The following PLEKHG3 variants were observed in gnomAD, a reference collection of about 807,000 sequenced individuals.
PLEKHG3 encodes the protein pleckstrin homology domain-containing family G member 3.
In PLEKHG3, 62 loss-of-function variants were observed where a neutral mutation model predicts 94.9. The ratio of observed to expected loss-of-function variants is 0.65; its 90% CI spans 0.53 to 0.81. PLEKHG3 has a LOEUF of 0.81. Among genes scored for constraint, PLEKHG3 ranks in the 30% least tolerant of loss-of-function variants. PLEKHG3 has a pLI of 0.00. For synonymous variants in PLEKHG3, 614 were observed against 654.0 expected (o/e 0.94, Z 0.93); for missense variants, 1,461 against 1,619.3 (o/e 0.90, Z 1.68).
Position 64,746,509 on chromosome 14 carries a change from C to G in PLEKHG3, c.*2806C>G, listed in dbSNP as rs1027621306. 5.2e-5 allele frequency: 8 copies of G among 152,692 alleles called. No individual in the cohort carries two copies. Among genetic ancestry groups the G allele is most frequent in the African/African-American group, 1.9e-4 (8 of 41,460 alleles). The allele number at this position is 152,692 out of a possible 1,614,324, so 9.5% of individuals were successfully genotyped here. On this transcript the variant is annotated 3_prime_UTR_variant, in exon 17 of 17. Coordinates refer to ENST00000247226, the MANE Select transcript of PLEKHG3 (RefSeq NM_001308147.2). The surrounding 1 kb of genome is among the most constrained non-coding windows in gnomAD (Gnocchi z 4.9). Reference sequence around the variant, plus strand: ...GCCATGTGGTCCCGCTGGCTTCATCCTCCTCTGGATTCCTGCCCCCCTCCC... The same window carrying G: ...GCCATGTGGTCCCGCTGGCTTCATCGTCCTCTGGATTCCTGCCCCCCTCCC...
Position 64,721,015 on chromosome 14 carries a change from A to G in PLEKHG3, c.-39-6578A>G, listed in dbSNP as rs191019871. Reference sequence around the variant, plus strand: ...ATGATCACATCAGGCCCACCGGGCTAATCCAGGATAATCTTCCATCTTAAA... The same window carrying G: ...ATGATCACATCAGGCCCACCGGGCTGATCCAGGATAATCTTCCATCTTAAA... On this transcript the variant is annotated intron_variant, in intron 1 of 16. Coordinates refer to ENST00000247226, the MANE Select transcript of PLEKHG3 (RefSeq NM_001308147.2). The surrounding 1 kb of genome is among the most constrained non-coding windows in gnomAD (Gnocchi z 4.3). Among the ~76,000 whole-genome samples the G allele has an allele frequency of 6.6e-6, 1 of 152,338 alleles. No homozygotes were observed. The highest frequency in any genetic ancestry group is 1.9e-4 in the East Asian group (1 of 5,190).
At position 64,738,993 on chromosome 14, in the gene PLEKHG3, C is replaced by G; in HGVS notation, c.1518+138C>G. Reference sequence around the variant, plus strand: ...GAGATTCCCCACCTCCCAGGACTCTCAGCCCTGCATGAAGCCTGTTTGGCC... The same window carrying G: ...GAGATTCCCCACCTCCCAGGACTCTGAGCCCTGCATGAAGCCTGTTTGGCC... On this transcript the variant is annotated intron_variant, in intron 15 of 16. Transcript: ENST00000247226. The surrounding 1 kb of genome is among the most constrained non-coding windows in gnomAD (Gnocchi z 4.8). 1.5e-6 allele frequency: 1 copy of G among 649,970 alleles called. No individual in the cohort carries two copies. The highest frequency in any genetic ancestry group is 2.8e-6 in the Non-Finnish European group (1 of 356,894). 40.3% of individuals were successfully genotyped at this position (649,970 alleles called of 1,614,324 possible). A position where few individuals can be genotyped will look rare whatever the true frequency, so the allele number is the denominator to read the frequency against.
At position 64,731,284 on chromosome 14, in the gene PLEKHG3, G is replaced by C. The variant is rs922800315; in HGVS notation, c.850-77G>C. The C allele has an allele frequency of 3.1e-5, 45 of 1,474,658 alleles. No homozygotes were observed. The highest frequency in any genetic ancestry group is 1.9e-6 in the Non-Finnish European group (2 of 1,062,772). The allele number at this position is 1,474,658 out of a possible 1,614,324, so 91.3% of individuals were successfully genotyped here. A position where few individuals can be genotyped will look rare whatever the true frequency, so the allele number is the denominator to read the frequency against. On this transcript the variant is annotated intron_variant, in intron 7 of 16. Coordinates refer to ENST00000247226, the MANE Select transcript of PLEKHG3 (RefSeq NM_001308147.2). The surrounding 1 kb of genome is among the most constrained non-coding windows in gnomAD (Gnocchi z 6.1). ...TGAGCTGGGCAGTGGCATTGGGGGA[G>C]CCTTTGTGGCAGGGTTTGCAGAGCC... is the stretch of plus-strand genomic sequence containing the variant.
intron 1 of PLEKHG3, among the ~76,000 whole-genome samples, chr14:64,708,408 G>A (rs1324349641): frequency 1.4e-4 from 21 of 152,142 alleles, no homozygotes; most frequent in East Asian, 1.9e-4. Context: ...GGAGTGGGGC[G>A]GGGACAAGGG....
intron 15 of PLEKHG3, among the ~76,000 whole-genome samples, chr14:64,740,256 G>T (rs1422746867): frequency 1.3e-5 from 2 of 150,246 alleles, no homozygotes; most frequent in Non-Finnish European, 3.0e-5. Flanking sequence ...AACTAGAACA[G>T]AAGGAATTAT....
At position 64,730,744 on chromosome 14, in the gene PLEKHG3, C is replaced by G. The variant is rs374435856; in HGVS notation, c.567-55C>G. The G allele has an allele frequency of 9.9e-6, 16 of 1,612,128 alleles. No individual in the cohort carries two copies. In the East Asian group the frequency reaches 2.9e-4, roughly 29 times the overall value. On this transcript the variant is annotated intron_variant, in intron 5 of 16. Coordinates refer to ENST00000247226, the MANE Select transcript of PLEKHG3 (RefSeq NM_001308147.2). The surrounding 1 kb of genome is among the most constrained non-coding windows in gnomAD (Gnocchi z 5.4). ...GCCATTTGGTGAGTCCAGAGCCCCC[C>G]ACTTCCTCATCCAGGCCTTCCCCAG... is the stretch of plus-strand genomic sequence containing the variant.
chr14:64,732,950 C>G lies in PLEKHG3; in HGVS notation c.1345+49C>G. On this transcript the variant is annotated intron_variant, in intron 12 of 16. Coordinates refer to ENST00000247226, the MANE Select transcript of PLEKHG3 (RefSeq NM_001308147.2). The surrounding 1 kb of genome is among the most constrained non-coding windows in gnomAD (Gnocchi z 4.9). The stretch of plus-strand genomic sequence containing the variant: ...GGAGGCCTCTCCCTCACACCCTTGC[C>G]CAGACTGGGGACCGTCTGCGGCAGT... 1 of 1,203,428 alleles carries G rather than the reference C, an allele frequency of 8.3e-7. No individual in the cohort carries two copies. The highest frequency in any genetic ancestry group is 1.2e-6 in the Non-Finnish European group (1 of 825,572). The allele number at this position is 1,203,428 out of a possible 1,614,324, so 74.5% of individuals were successfully genotyped here.
intron 12 of PLEKHG3, 104 bp from the exon 13 acceptor site, chr14:64,736,748 TG>T: frequency 1.2e-6 from 1 of 848,676 alleles, no homozygotes; most frequent in Non-Finnish European, 2.0e-6. Context: ...CAAGCCAGAG[TG>T]GACTTTGAGC....
intron 1 of PLEKHG3, among the ~76,000 whole-genome samples, chr14:64,713,332 T>C (rs779276992): frequency 6.6e-6 from 1 of 152,236 alleles, no homozygotes; most frequent in Non-Finnish European, 1.5e-5. Flanking sequence ...AAGTATTTCC[T>C]GCTGTTTTTT....
Position 64,749,115 on chromosome 14 carries a change from G to A in PLEKHG3, c.*5412G>A. On this transcript the variant is annotated 3_prime_UTR_variant, in exon 17 of 17. Coordinates refer to ENST00000247226, the MANE Select transcript of PLEKHG3 (RefSeq NM_001308147.2). This position sits in a 1 kb window ranked among gnomAD's most constrained non-coding sequence, Gnocchi z 4.7. ...CTGGAGCGGAGCCAGCGCGGGCGAG[G>A]GCATGGAGGGGGCGTCGGCCCAGGA... 1.7e-6 allele frequency: 1 copy of A among 592,720 alleles called. No individual in the cohort carries two copies. 36.7% of individuals were successfully genotyped at this position (592,720 alleles called of 1,614,324 possible). A position where few individuals can be genotyped will look rare whatever the true frequency, so the allele number is the denominator to read the frequency against.
chr14:64,738,202 T>C lies in PLEKHG3; in HGVS notation c.1405-540T>C, dbSNP rs1254401634. 7.8e-7 allele frequency: 1 copy of C among 1,289,242 alleles called. No homozygotes were observed. Among genetic ancestry groups the C allele is most frequent in the Non-Finnish European group, 1.0e-6 (1 of 989,102 alleles). 79.9% of individuals were successfully genotyped at this position (1,289,242 alleles called of 1,614,324 possible). A position where few individuals can be genotyped will look rare whatever the true frequency, so the allele number is the denominator to read the frequency against. On this transcript the variant is annotated intron_variant, in intron 14 of 16. Coordinates refer to ENST00000247226, the MANE Select transcript of PLEKHG3 (RefSeq NM_001308147.2). This position sits in a 1 kb window ranked among gnomAD's most constrained non-coding sequence, Gnocchi z 4.8. ...TGCTGGCACTATCGGGCCAACGCTT[T>C]ACTTTTCTCCCGGGGCGCTATGGTG...
chr14:64,741,674 G>T lies in PLEKHG3; in HGVS notation c.2157G>T (p.Lys719Asn). Reference protein sequence around the residue: ...LSTRDRLLLDKIKSYYENAEH... With the variant: ...LSTRDRLLLDNIKSYYENAEH... ...CCCGAGACCGGCTGTTGCTAGACAAGATTAAGAGCTATTATGAAAATGCAG... is the reference window on the plus strand; with the variant it reads ...CCCGAGACCGGCTGTTGCTAGACAATATTAAGAGCTATTATGAAAATGCAG... Residue 719 changes from lysine to asparagine, a missense_variant, in exon 16 of 17, where the codon AAG becomes AAT. Lys to Asn is a moderately conservative substitution (Grantham distance 94). Around this residue, in one of 3 missense-constraint regions of PLEKHG3, gnomAD observed 1,201 missense variants for 1,295.5 expected, o/e 0.93. Coordinates refer to ENST00000247226, the MANE Select transcript of PLEKHG3 (RefSeq NM_001308147.2). The T allele has an allele frequency of 5.0e-6, 8 of 1,613,038 alleles. No homozygotes were observed. Among genetic ancestry groups the T allele is most frequent in the Non-Finnish European group, 6.8e-6 (8 of 1,180,040 alleles).
intron 12 of PLEKHG3, among the ~76,000 whole-genome samples, chr14:64,735,834 T>C (rs1199863284): frequency 6.6e-6 from 1 of 152,288 alleles, no homozygotes; most frequent in Non-Finnish European, 1.5e-5. Context: ...ATTCTATTGA[T>C]AATTAAGTTC....
chr14:64,728,712 T>C lies in PLEKHG3; in HGVS notation c.352-284T>C, dbSNP rs1356686749. On this transcript the variant is annotated intron_variant, in intron 2 of 16. Transcript: ENST00000247226. This position sits in a 1 kb window ranked among gnomAD's most constrained non-coding sequence, Gnocchi z 5.9. ...TTCTTTGTGTCTCTCTGTGTCCTCCTTCTCCTCTTATAAGGACAGCAGCCA... is the reference window on the plus strand; with the variant it reads ...TTCTTTGTGTCTCTCTGTGTCCTCCCTCTCCTCTTATAAGGACAGCAGCCA... Among the ~76,000 whole-genome samples, 1 of 152,204 alleles carries C rather than the reference T, an allele frequency of 6.6e-6. No homozygotes were observed. Among genetic ancestry groups the C allele is most frequent in the Non-Finnish European group, 1.5e-5 (1 of 68,034 alleles).
Position 64,749,426 on chromosome 14 carries a change from C to G in PLEKHG3, c.*5723C>G, listed in dbSNP as rs776925524. The G allele has an allele frequency of 2.0e-5, 32 of 1,605,684 alleles. No individual in the cohort carries two copies. Among genetic ancestry groups the G allele is most frequent in the Non-Finnish European group, 2.5e-5 (30 of 1,179,442 alleles). On this transcript the variant is annotated 3_prime_UTR_variant, in exon 17 of 17. Transcript: ENST00000247226. The surrounding 1 kb of genome is among the most constrained non-coding windows in gnomAD (Gnocchi z 4.7). Reference sequence around the variant, plus strand: ...GCGCCTTGACGCGGATGCTCTGGGACTCGTTGATGGCGGTGCTCACGCCCT... The same window carrying G: ...GCGCCTTGACGCGGATGCTCTGGGAGTCGTTGATGGCGGTGCTCACGCCCT...
chr14:64,721,797 GC>G lies in PLEKHG3; in HGVS notation c.-39-5792del, dbSNP rs1235406976. Reference sequence around the variant, plus strand: ...GGGGGTCCTCCCCTCCCCCAGGAGAGCCCCTAGGGTGCAGGGAGCAGTGGGA... The same window carrying G: ...GGGGGTCCTCCCCTCCCCCAGGAGAGCCCTAGGGTGCAGGGAGCAGTGGGA... On this transcript the variant is annotated intron_variant, in intron 1 of 16. Transcript: ENST00000247226. The surrounding 1 kb of genome is among the most constrained non-coding windows in gnomAD (Gnocchi z 4.3). Among the ~76,000 whole-genome samples, 2 of 152,148 alleles carry G rather than the reference GC, an allele frequency of 1.3e-5. No individual in the cohort carries two copies. The highest frequency in any genetic ancestry group is 6.5e-5 in the Admixed American group (1 of 15,274).
Position 64,727,784 on chromosome 14 carries a change from C to CT in PLEKHG3, c.154dup (p.Ser52PhefsTer74). 2 of 1,610,428 alleles carry CT rather than the reference C, an allele frequency of 1.2e-6. No homozygotes were observed. The highest frequency in any genetic ancestry group is 1.7e-6 in the Non-Finnish European group (2 of 1,177,430). On this transcript the variant is annotated frameshift_variant, in exon 2 of 17. Transcript: ENST00000247226. LOFTEE classifies it high-confidence loss of function. The surrounding 1 kb of genome is among the most constrained non-coding windows in gnomAD (Gnocchi z 6.0). Reference sequence around the variant, plus strand: ...AGGCTCCCGCCAAGAATGGGGCAGGCTCCCTGAGAAGCCGGCATCTGCCCA... The same window carrying CT: ...AGGCTCCCGCCAAGAATGGGGCAGGCTTCCCTGAGAAGCCGGCATCTGCCCA...
At position 64,741,166 on chromosome 14, in the gene PLEKHG3, G is replaced by A. The variant is rs943174654; in HGVS notation, c.1649G>A (p.Gly550Asp). Reference sequence around the variant, plus strand: ...GAGACACAGCTTGATGCCCACCAGGGCCTTCTGGGGATGGACCCCCCAGGT... The same window carrying A: ...GAGACACAGCTTGATGCCCACCAGGACCTTCTGGGGATGGACCCCCCAGGT... ...VLETQLDAHQ[G>D]LLGMDPPGDM... Residue 550 changes from glycine to aspartate, a missense_variant, in exon 16 of 17, where the codon GGC becomes GAC. Transcript: ENST00000247226. 1.2e-6 allele frequency: 2 copies of A among 1,614,034 alleles called. No individual in the cohort carries two copies. Among genetic ancestry groups the A allele is most frequent in the Non-Finnish European group, 1.7e-6 (2 of 1,180,020 alleles).
At chr14:64,737,334 G>C in intron 13 of PLEKHG3, 22 bp from the exon 14 acceptor site, 2 of 1,602,704 alleles carry the variant, frequency 1.2e-6, no homozygotes, top group Non-Finnish European at 1.7e-6. Flanking sequence ...TGTGCTGGGG[G>C]ACCCGGTGGT....
Sources: allele counts gnomAD v4.1 joint callset (sites outside exome capture counted in the v4.1 genomes callset), GRCh38; gene constraint gnomAD v4.1.1; regional missense constraint gnomAD v4.1.1; non-coding constraint Gnocchi (gnomAD v3.1); transcripts MANE v1.5; gene names NCBI Gene and HGNC (gene_info 2026-07-23, HGNC 2026-07-21).